The following PIP4K2A variants were observed in gnomAD, a reference collection of about 807,000 sequenced individuals.
The protein encoded by PIP4K2A is phosphatidylinositol-5-phosphate 4-kinase type 2 alpha.
A neutral mutation model predicts 42.9 loss-of-function variants in PIP4K2A; 14 were observed. The ratio of observed to expected loss-of-function variants is 0.33; its 90% confidence interval spans 0.22 to 0.51. The LOEUF (loss-of-function observed/expected upper bound fraction) is 0.51, where lower values mean the gene tolerates loss of function less well. Among genes scored for constraint, PIP4K2A ranks in the 20% least tolerant of loss-of-function variants. The probability of loss-of-function intolerance (pLI) is 0.97; values close to 1 mark genes in which losing one functional copy is unlikely to be tolerated. For missense variants in PIP4K2A, 434 were observed against 519.8 expected (o/e 0.83, Z 1.61); for synonymous variants, 192 against 192.2 (o/e 1.00, Z 0.01).
At chr10:22,598,656 T>C (rs963855137) in intron 3 of PIP4K2A, among the ~76,000 whole-genome samples, 5 of 152,130 alleles carry the variant, frequency 3.3e-5, no homozygotes, top group African/African-American at 1.2e-4. Flanking sequence ...TCAACAGCAA[T>C]GGGCTGAAGT....
chr10:22,659,461 C>T (rs1217778929), intron 1 of PIP4K2A: 1 of 152,172 alleles, frequency 6.6e-6, no homozygotes, highest in East Asian at 1.9e-4. Flanking sequence ...GGCATGGTGC[C>T]TGTAATAACA....
chr10:22,586,599 C>T (rs762661792), intron 4 of PIP4K2A, among the ~76,000 whole-genome samples: 12 of 152,156 alleles, frequency 7.9e-5, no homozygotes, highest in Non-Finnish European at 1.6e-4. Flanking sequence ...GGCACAACCT[C>T]GGCTCACTGC....
intron 1 of PIP4K2A, among the ~76,000 whole-genome samples, chr10:22,645,549 T>TA (rs71395807): frequency 0.034 from 4,298 of 126,846 alleles, 96 homozygotes; most frequent in African/African-American, 0.073. Context: ...TCTATTTCTT[T>TA]AAAAAAAAAA....
intron 1 of PIP4K2A, among the ~76,000 whole-genome samples, chr10:22,621,931 T>C (rs1038904335): frequency 1.1e-4 from 16 of 152,168 alleles, no homozygotes; most frequent in African/African-American, 3.9e-4. Context: ...CCAGCATCCA[T>C]CCTGAAAGAA....
intron 1 of PIP4K2A, among the ~76,000 whole-genome samples, chr10:22,625,949 G>A (rs1838426982): frequency 2.0e-5 from 3 of 152,166 alleles, no homozygotes; most frequent in Admixed American, 6.5e-5. Flanking sequence ...GGTAGATTCA[G>A]ACTTCTGATA....
At chr10:22,549,732 T>G (rs748509388) in intron 7 of PIP4K2A, among the ~76,000 whole-genome samples, 26 of 149,396 alleles carry the variant, frequency 1.7e-4, no homozygotes, top group Non-Finnish European at 3.0e-4. Flanking sequence ...TCCCAGCTAC[T>G]CAGGAGGCTG....
intron 1 of PIP4K2A, among the ~76,000 whole-genome samples, chr10:22,687,835 T>C (rs1442954252): frequency 6.6e-6 from 1 of 152,238 alleles, no homozygotes; most frequent in East Asian, 1.9e-4. Flanking sequence ...TATTTGTTTT[T>C]CTCCCAAGTA....
chr10:22,550,104 C>A (rs934431665), intron 7 of PIP4K2A, among the ~76,000 whole-genome samples: 13 of 152,112 alleles, frequency 8.5e-5, no homozygotes, highest in Admixed American at 2.0e-4. Context: ...GACCTAGTAT[C>A]CCAAGCTGCC....
chr10:22,600,678 G>C (rs908224893), intron 3 of PIP4K2A, among the ~76,000 whole-genome samples: 1 of 152,294 alleles, frequency 6.6e-6, no homozygotes, highest in South Asian at 2.1e-4. Context: ...CGGCCCAGGA[G>C]ACAGGAGCAA....
At chr10:22,645,151 A>G (rs1012176733) in intron 1 of PIP4K2A, among the ~76,000 whole-genome samples, 1 of 152,258 alleles carries the variant, frequency 6.6e-6, no homozygotes, top group African/African-American at 2.4e-5. Context: ...ACTAGGTTGA[A>G]GCAACTCATT....
chr10:22,683,240 G>C (rs560427825), intron 1 of PIP4K2A, among the ~76,000 whole-genome samples: 1 of 152,096 alleles, frequency 6.6e-6, no homozygotes, highest in South Asian at 2.1e-4. Flanking sequence ...CAACTCTTAT[G>C]AGTTCTGCTC....
chr10:22,543,379 T>C (rs1425009641), intron 7 of PIP4K2A, among the ~76,000 whole-genome samples: 1 of 152,170 alleles, frequency 6.6e-6, no homozygotes, highest in Admixed American at 6.5e-5. Flanking sequence ...CCCAATTGTT[T>C]TGAGCTCAAA....
intron 3 of PIP4K2A, 67 bp from the exon 4 acceptor site, chr10:22,591,848 G>A (rs748656570): frequency 2.3e-5 from 30 of 1,318,674 alleles, no homozygotes; most frequent in South Asian, 1.8e-4. Context: ...GTGGCTTTCC[G>A]ATTCCCAGAT....
chr10:22,543,961 G>A (rs564767701), intron 7 of PIP4K2A, among the ~76,000 whole-genome samples: 12 of 152,180 alleles, frequency 7.9e-5, no homozygotes, highest in African/African-American at 1.4e-4. Context: ...GGACGAGAGT[G>A]CAAGGATTCA....
At chr10:22,566,778 C>T (rs1414730145) in intron 6 of PIP4K2A, among the ~76,000 whole-genome samples, 1 of 152,202 alleles carries the variant, frequency 6.6e-6, no homozygotes, top group African/African-American at 2.4e-5. Context: ...GAAGCCCTTC[C>T]TTGACCCTGC....
intron 1 of PIP4K2A, among the ~76,000 whole-genome samples, chr10:22,689,395 T>C (rs1272540877): frequency 6.6e-6 from 1 of 152,222 alleles, no homozygotes; most frequent in Non-Finnish European, 1.5e-5. Flanking sequence ...CCGCATCCGA[T>C]GGAAAATGTA....
At chr10:22,623,376 C>G (rs997856046) in intron 1 of PIP4K2A, among the ~76,000 whole-genome samples, 1 of 152,068 alleles carries the variant, frequency 6.6e-6, no homozygotes, top group Non-Finnish European at 1.5e-5. Flanking sequence ...ACGAAGGAAG[C>G]GTCTAACTCA....
At chr10:22,637,139 G>A (rs1838682941) in intron 1 of PIP4K2A, among the ~76,000 whole-genome samples, 1 of 152,206 alleles carries the variant, frequency 6.6e-6, no homozygotes, top group Non-Finnish European at 1.5e-5. Context: ...CGTCAAACAA[G>A]CTTTAGGTCT....
At chr10:22,636,421 AAAAC>A (rs1027934838) in intron 1 of PIP4K2A, among the ~76,000 whole-genome samples, 13 of 152,120 alleles carry the variant, frequency 8.5e-5, no homozygotes, top group African/African-American at 2.2e-4. Flanking sequence ...CCAGCTAATT[AAAAC>A]AAACAAACAA....
Sources: gnomAD v4.1 joint callset for allele counts (sites outside exome capture counted in the v4.1 genomes callset) on GRCh38, gnomAD v4.1.1 for gene constraint, MANE v1.5 for transcripts, NCBI Gene and HGNC (gene_info 2026-07-23, HGNC 2026-07-21) for gene names.